Variants in RP1 observed in about 807,000 individuals in gnomAD.
RP1 encodes oxygen-regulated protein 1.
In RP1, 16 loss-of-function variants were observed where a neutral mutation model predicts 14.8. The observed-to-expected ratio is 1.08, with a 90% confidence interval of 0.73 to 1.65. RP1 has a LOEUF of 1.65. Ranked by LOEUF, RP1 falls within the 40% of genes most tolerant of loss-of-function variation. The pLI, the probability that RP1 is intolerant of heterozygous loss-of-function variation, is 0.00. For synonymous variants in RP1, 876 were observed against 883.6 expected, an observed-to-expected ratio of 0.99 and a Z score of 0.15; for missense variants, 2,631 against 2,535.0, an observed-to-expected ratio of 1.04 and a Z score of -0.81.
intron 28 of RP1, among the ~76,000 whole-genome samples, chr8:54,868,438 T>A (rs1812506980): frequency 1.3e-5 from 2 of 152,302 alleles, no homozygotes; most frequent in African/African-American, 4.8e-5. Context: ...AAAAATTATC[T>A]TGCTATTCCA....
intron 6 of RP1, among the ~76,000 whole-genome samples, chr8:54,659,402 T>C (rs559715321): frequency 6.6e-6 from 1 of 152,328 alleles, no homozygotes; most frequent in Non-Finnish European, 1.5e-5. Flanking sequence ...AATATCTATA[T>C]TGATGTAAGA....
chr8:54,702,259 T>C (rs1302089164), intron 14 of RP1, among the ~76,000 whole-genome samples: 1 of 152,180 alleles, frequency 6.6e-6, no homozygotes, highest in Non-Finnish European at 1.5e-5. Context: ...TTAACTAGTA[T>C]AGCATAGTTA....
Position 54,627,873 on chromosome 8 carries a change from G to A in RP1, c.3991G>A (p.Glu1331Lys), listed in dbSNP as rs765892302. 1 of 1,614,136 alleles carries A rather than the reference G, an allele frequency of 6.2e-7. No homozygotes were observed. The highest frequency in any genetic ancestry group is 1.1e-5 in the South Asian group (1 of 91,090). Residue 1331 changes from glutamate (E) to lysine (K), a missense_variant, in exon 4 of 4, where the codon GAG becomes AAG. Glu to Lys is a moderately conservative substitution (Grantham distance 56). Coordinates refer to ENST00000220676, the MANE Select transcript of RP1 (RefSeq NM_006269.2). Reference sequence around the variant, plus strand: ...CTATGAGGGAGCTTGCCCAATTGATGAGACCTACGTTCCTGTCAATGTCTG... The same window carrying A: ...CTATGAGGGAGCTTGCCCAATTGATAAGACCTACGTTCCTGTCAATGTCTG... ...HTYEGACPID[E>K]TYVPVNVCNT... is the part of the protein sequence containing the mutation.
chr8:54,609,446 CT>C (rs1442770484), intron 1 of RP1, among the ~76,000 whole-genome samples: 1 of 152,102 alleles, frequency 6.6e-6, no homozygotes, highest in African/African-American at 2.4e-5. Flanking sequence ...AGAGCAAAAC[CT>C]TGTCTTAAAC....
chr8:54,845,161 G>T (rs1429239506), intron 25 of RP1, among the ~76,000 whole-genome samples: 1 of 152,210 alleles, frequency 6.6e-6, no homozygotes, highest in Non-Finnish European at 1.5e-5. Context: ...CAAGAACAAA[G>T]TTAGGAAGGA....
intron 25 of RP1, among the ~76,000 whole-genome samples, chr8:54,845,253 G>T (rs564909648): frequency 2.0e-5 from 3 of 152,204 alleles, no homozygotes; most frequent in African/African-American, 7.2e-5. Flanking sequence ...CCTAGAAAGG[G>T]TGCAGCTCTG....
intron 24 of RP1, among the ~76,000 whole-genome samples, chr8:54,835,208 A>T (rs545913351): frequency 6.6e-6 from 1 of 152,292 alleles, no homozygotes; most frequent in East Asian, 1.9e-4. Context: ...ATTTCATTAA[A>T]ACTGAAGTGA....
chr8:54,741,707 G>A (rs76276072), intron 19 of RP1, among the ~76,000 whole-genome samples: 2,335 of 57,416 alleles, frequency 0.041, 177 homozygotes, highest in African/African-American at 0.15. Flanking sequence ...AAATGTGTGT[G>A]TATATATATA....
intron 24 of RP1, among the ~76,000 whole-genome samples, chr8:54,794,658 A>G (rs1810540550): frequency 1.3e-4 from 20 of 152,010 alleles, no homozygotes; most frequent in Admixed American, 1.3e-3. Context: ...ACTTTTCCCT[A>G]TGTTTTGGCA....
At chr8:54,781,962 T>G (rs551589334) in intron 23 of RP1, among the ~76,000 whole-genome samples, 12 of 152,236 alleles carry the variant, frequency 7.9e-5, no homozygotes, top group African/African-American at 2.9e-4. Context: ...TATGCAAACT[T>G]ATTCCCGTCC....
intron 1 of RP1, among the ~76,000 whole-genome samples, chr8:54,597,453 TTCTTC>T (rs1344874820): frequency 6.6e-6 from 1 of 152,166 alleles, no homozygotes; most frequent in Non-Finnish European, 1.5e-5. Context: ...ATCAATTCAG[TTCTTC>T]TCTTTATATG....
intron 19 of RP1, among the ~76,000 whole-genome samples, chr8:54,741,683 G>T: frequency 1.4e-5 from 1 of 72,460 alleles, no homozygotes; most frequent in African/African-American, 5.3e-5. Context: ...CCTTAAATAT[G>T]TACATATAAA....
intron 23 of RP1, among the ~76,000 whole-genome samples, chr8:54,775,515 C>T (rs193138170): frequency 6.6e-6 from 1 of 152,282 alleles, no homozygotes; most frequent in East Asian, 1.9e-4. Context: ...GGCCATTGCT[C>T]TGACCCCTGG....
chr8:54,818,926 C>T (rs1035299728), intron 24 of RP1, among the ~76,000 whole-genome samples: 1 of 152,016 alleles, frequency 6.6e-6, no homozygotes, highest in African/African-American at 2.4e-5. Flanking sequence ...GAAAAGAGAA[C>T]TCAGAATGCA....
chr8:54,593,665 C>G (rs1445527356), intron 1 of RP1, among the ~76,000 whole-genome samples: 2 of 152,170 alleles, frequency 1.3e-5, no homozygotes, highest in African/African-American at 4.8e-5. Flanking sequence ...AGGGAAGACT[C>G]TCATTCTAGG....
At chr8:54,568,250 G>A (rs915979514) in intron 1 of RP1, among the ~76,000 whole-genome samples, 1 of 152,166 alleles carries the variant, frequency 6.6e-6, no homozygotes, top group Non-Finnish European at 1.5e-5. Flanking sequence ...GTGACAGGTG[G>A]CTGCGACAGA....
intron 27 of RP1, among the ~76,000 whole-genome samples, chr8:54,857,825 A>G (rs1272138994): frequency 6.6e-6 from 1 of 152,114 alleles, no homozygotes; most frequent in East Asian, 1.9e-4. Context: ...AGGCACAGCT[A>G]TCAACCAAGA....
At chr8:54,709,755 T>C (rs1457940518) in intron 15 of RP1, among the ~76,000 whole-genome samples, 3 of 152,106 alleles carry the variant, frequency 2.0e-5, no homozygotes, top group African/African-American at 7.2e-5. Flanking sequence ...TTAAGGTCAC[T>C]CCTCTGAGGC....
chr8:54,754,230 A>G (rs1201685684), intron 19 of RP1, among the ~76,000 whole-genome samples: 4 of 151,746 alleles, frequency 2.6e-5, no homozygotes, highest in African/African-American at 9.7e-5. Context: ...GAGCCTACAG[A>G]TGTTATAAAT....
Sources: allele counts gnomAD v4.1 joint callset (sites outside exome capture counted in the v4.1 genomes callset), GRCh38; gene constraint gnomAD v4.1.1; transcripts MANE v1.5; gene names NCBI Gene and HGNC (gene_info 2026-07-23, HGNC 2026-07-21).